BOLA3: variants seen among roughly 807,000 people sequenced by gnomAD.
The protein encoded by BOLA3 is bolA-like protein 3.
Under a neutral mutation model 14.5 loss-of-function variants are expected in BOLA3, and 8 were observed. The observed-to-expected ratio is 0.55, with a 90% CI of 0.32 to 0.99. The LOEUF (loss-of-function observed/expected upper bound fraction) is 0.99, where lower values mean the gene tolerates loss of function less well. BOLA3 is among the 50% of genes least tolerant of loss of function. The pLI is 0.04. For synonymous variants in BOLA3, 42 were observed against 45.7 expected, an observed-to-expected ratio of 0.92 and a Z score of 0.33; for missense variants, 115 against 138.2, an observed-to-expected ratio of 0.83 and a Z score of 0.84.
chr2:74,140,806 A>G (rs1353060148), intron 3 of BOLA3, among the ~76,000 whole-genome samples: 2 of 152,238 alleles, frequency 1.3e-5, no homozygotes, highest in Non-Finnish European at 2.9e-5. Flanking sequence ...GAATCCTCAC[A>G]GCAACACTTT....
intron 1 of BOLA3, chr2:74,145,521 T>C (rs1692527577): frequency 3.4e-6 from 2 of 580,746 alleles, no homozygotes; most frequent in Non-Finnish European, 6.2e-6. Flanking sequence ...GACAGGATGA[T>C]TGTTAATAAC....
At chr2:74,143,319 C>A (rs1321776376) in intron 2 of BOLA3, among the ~76,000 whole-genome samples, 3 of 113,670 alleles carry the variant, frequency 2.6e-5, no homozygotes, top group Non-Finnish European at 5.5e-5. Context: ...TCATGCCCAG[C>A]TAATTTTTTT....
chr2:74,137,660 C>T (rs1036461850), intron 3 of BOLA3, among the ~76,000 whole-genome samples: 2 of 151,990 alleles, frequency 1.3e-5, no homozygotes, highest in Non-Finnish European at 2.9e-5. Context: ...GATATGAACC[C>T]AGGTATCCTG....
chr2:74,138,376 G>C (rs563334584), intron 3 of BOLA3, among the ~76,000 whole-genome samples: 1 of 152,354 alleles, frequency 6.6e-6, no homozygotes, highest in African/African-American at 2.4e-5. Flanking sequence ...GTGGGCAGCA[G>C]AGGACTGCCA....
chr2:74,135,812 A>T (rs377684671), intron 3 of BOLA3, among the ~76,000 whole-genome samples, 154 bp from the exon 4 acceptor site: 1 of 152,126 alleles, frequency 6.6e-6, no homozygotes, highest in Non-Finnish European at 1.5e-5. Context: ...AATTTTTTTT[A>T]AATCAATAAT....
intron 3 of BOLA3, 149 bp downstream of exon 3, chr2:74,142,123 C>A: frequency 1.5e-6 from 1 of 662,276 alleles, no homozygotes; most frequent in Non-Finnish European, 2.7e-6. Context: ...CTCCCAGATT[C>A]GATTTTTCTC....
intron 1 of BOLA3, chr2:74,145,507 C>G: frequency 1.7e-6 from 1 of 595,254 alleles, no homozygotes; most frequent in Non-Finnish European, 3.0e-6. Context: ...CTTTTATTGG[C>G]GGGGACAGGA....
chr2:74,138,332 AAGT>A (rs1251397142), intron 3 of BOLA3, among the ~76,000 whole-genome samples: 1 of 152,234 alleles, frequency 6.6e-6, no homozygotes, highest in Admixed American at 6.5e-5. Context: ...ATGAAAGAGA[AAGT>A]AGCATTAAGT....
chr2:74,144,091 C>T (rs566513414), intron 2 of BOLA3, among the ~76,000 whole-genome samples: 11 of 150,676 alleles, frequency 7.3e-5, no homozygotes, highest in South Asian at 4.2e-4. Flanking sequence ...CTGCAGCCTC[C>T]GCCTCCCGGG....
At chr2:74,140,003 G>T (rs951301802) in intron 3 of BOLA3, among the ~76,000 whole-genome samples, 28 of 152,240 alleles carry the variant, frequency 1.8e-4, no homozygotes, top group Middle Eastern at 3.4e-3. Flanking sequence ...TATTTTTAAG[G>T]TTGGGCATGG....
At chr2:74,135,799 AAC>A in intron 3 of BOLA3, 141 bp from the exon 4 acceptor site, 3 of 690,114 alleles carry the variant, frequency 4.3e-6, no homozygotes, top group Non-Finnish European at 5.1e-6. Context: ...TTTTTTGAAA[AAC>A]AATTTTTTTT....
intron 3 of BOLA3, among the ~76,000 whole-genome samples, chr2:74,135,920 A>G (rs1170277206): frequency 6.6e-6 from 1 of 151,828 alleles, no homozygotes; most frequent in Non-Finnish European, 1.5e-5. Flanking sequence ...CTTGTTCCCA[A>G]AAGAACTGTT....
At position 74,147,696 on chromosome 2, in the gene BOLA3, C is replaced by T. The variant is rs1056609931; in HGVS notation, c.54+125G>A. On this transcript the variant is annotated intron_variant, in intron 1 of 3. Transcript: ENST00000327428. ...ATGAATGAGAGAAAGGAAGAGGAGC[C>T]CCCCATTGCCAGTGCCGCGCGCGCC... 1.7e-4 allele frequency: 133 copies of T among 798,842 alleles called. 1 individual carries two copies. Among genetic ancestry groups the T allele is most frequent in the Non-Finnish European group, 1.9e-4 (93 of 487,930 alleles). 49.5% of individuals were successfully genotyped at this position (798,842 alleles called of 1,614,324 possible).
chr2:74,136,042 T>C (rs1572939137), intron 3 of BOLA3, among the ~76,000 whole-genome samples: 1 of 151,712 alleles, frequency 6.6e-6, no homozygotes, highest in African/African-American at 2.4e-5. Flanking sequence ...CTCCACCTCC[T>C]GGGCTCAAAC....
chr2:74,147,730 G>C, intron 1 of BOLA3, 91 bp downstream of exon 1: 1 of 1,333,758 alleles, frequency 7.5e-7, no homozygotes, highest in Non-Finnish European at 1.0e-6. Flanking sequence ...CCCTCCGGGA[G>C]CCAGTCCTCA....
chr2:74,138,819 G>T (rs1253979581), intron 3 of BOLA3, among the ~76,000 whole-genome samples: 1 of 152,174 alleles, frequency 6.6e-6, no homozygotes, highest in Non-Finnish European at 1.5e-5. Flanking sequence ...GCACGACGCT[G>T]GGCACCTGTG....
chr2:74,136,115 A>G (rs1335789407), intron 3 of BOLA3, among the ~76,000 whole-genome samples: 2 of 152,010 alleles, frequency 1.3e-5, no homozygotes, highest in African/African-American at 2.4e-5. Flanking sequence ...ATGCCTGGCT[A>G]ATTTTTTTAT....
intron 3 of BOLA3, among the ~76,000 whole-genome samples, chr2:74,141,543 G>C (rs989148158): frequency 6.6e-6 from 1 of 151,888 alleles, no homozygotes; most frequent in African/African-American, 2.4e-5. Flanking sequence ...CGGCTGGGAG[G>C]GTGCACGCAG....
intron 1 of BOLA3, chr2:74,146,582 A>T (rs1050835651): frequency 6.6e-6 from 1 of 152,288 alleles, no homozygotes; most frequent in Non-Finnish European, 1.5e-5. Context: ...CAATGATGGA[A>T]GCACCGGGCA....
Sources: allele counts gnomAD v4.1 joint callset (sites outside exome capture counted in the v4.1 genomes callset), GRCh38; gene constraint gnomAD v4.1.1; transcripts MANE v1.5; gene names NCBI Gene and HGNC (gene_info 2026-07-23, HGNC 2026-07-21).